PDE11A: variants seen among roughly 807,000 people sequenced by gnomAD.
The protein encoded by PDE11A is phosphodiesterase 11A, also known as dual 3',5'-cyclic-AMP and -GMP phosphodiesterase 11A.
Under a neutral mutation model 100.5 loss-of-function variants are expected in PDE11A, and 100 were observed. The observed-to-expected ratio is 1.00, with a 90% CI of 0.85 to 1.18. The LOEUF is 1.18. PDE11A is among the 50% of genes most tolerant of loss of function. The probability of loss-of-function intolerance (pLI) is 0.00; values close to 1 mark genes in which losing one functional copy is unlikely to be tolerated. For synonymous variants in PDE11A, 381 were observed against 420.8 expected (o/e 0.91, Z 1.16); for missense variants, 1,141 against 1,152.6 (o/e 0.99, Z 0.15).
chr2:177,946,752 C>A (rs1332307390), intron 2 of PDE11A, among the ~76,000 whole-genome samples: 6 of 53,184 alleles, frequency 1.1e-4, no homozygotes, highest in Admixed American at 3.6e-4. Context: ...GTCAGCCCCC[C>A]GCCCGGCCAG....
chr2:177,945,886 GC>G (rs1276330707), intron 2 of PDE11A, among the ~76,000 whole-genome samples: 2 of 140,918 alleles, frequency 1.4e-5, no homozygotes, highest in Admixed American at 7.1e-5. Context: ...GGGGGGGTCA[GC>G]CCCCTGCCCG....
chr2:177,681,509 C>T (rs543190878), intron 15 of PDE11A, among the ~76,000 whole-genome samples: 7 of 152,238 alleles, frequency 4.6e-5, no homozygotes, highest in African/African-American at 1.7e-4. Context: ...ATCTCTAACA[C>T]GGGGGTTTCA....
intron 17 of PDE11A, among the ~76,000 whole-genome samples, chr2:177,673,545 A>G (rs2105493402): frequency 6.6e-6 from 1 of 152,138 alleles, no homozygotes; most frequent in Middle Eastern, 3.4e-3. Flanking sequence ...TGGACTCTGT[A>G]TTTTGGGTGT....
At chr2:177,786,221 C>T (rs538329191) in intron 9 of PDE11A, among the ~76,000 whole-genome samples, 16 of 152,316 alleles carry the variant, frequency 1.1e-4, no homozygotes, top group Non-Finnish European at 2.1e-4. Flanking sequence ...CAGCAGCATT[C>T]GCGGTTCATG....
chr2:177,705,230 G>GAAAA lies in PDE11A; in HGVS notation c.2154-4023_2154-4020dup, dbSNP rs3056940. 1.6e-4 allele frequency among the ~76,000 whole-genome samples: 24 copies of GAAAA among 150,550 alleles called. No individual in the cohort carries two copies. In the East Asian group the frequency reaches 2.9e-3, roughly 18 times the overall value. On this transcript the variant is annotated intron_variant, in intron 13 of 19. Transcript: ENST00000286063. ...GCTTCTACTTTCTCACATAAAATAT[G>GAAAA]AAAAAAAAACCCTGAGATCAATCAC...
At chr2:178,066,482 G>C (rs935719873) in intron 1 of PDE11A, among the ~76,000 whole-genome samples, 5 of 152,114 alleles carry the variant, frequency 3.3e-5, no homozygotes, top group African/African-American at 1.2e-4. Context: ...TTCACATACA[G>C]TCTCCCCTCC....
At chr2:178,088,167 G>A (rs1363196652) in intron 2 of PDE11A, among the ~76,000 whole-genome samples, 1 of 152,196 alleles carries the variant, frequency 6.6e-6, no homozygotes, top group East Asian at 1.9e-4. Flanking sequence ...AATTCAAGCT[G>A]AGGAAATGCC....
chr2:177,658,676 CAT>C (rs2080428168), intron 19 of PDE11A, among the ~76,000 whole-genome samples: 1 of 150,740 alleles, frequency 6.6e-6, no homozygotes, highest in East Asian at 2.0e-4. Context: ...TACTAAAAGT[CAT>C]AGAGAAACAC....
At chr2:177,965,937 A>G (rs1187747761) in intron 2 of PDE11A, among the ~76,000 whole-genome samples, 2 of 152,312 alleles carry the variant, frequency 1.3e-5, no homozygotes, top group East Asian at 3.9e-4. Flanking sequence ...GAATCTGTAA[A>G]CTGCTTTGGG....
intron 2 of PDE11A, among the ~76,000 whole-genome samples, chr2:177,982,358 A>G (rs940805970): frequency 6.6e-6 from 1 of 150,760 alleles, no homozygotes; most frequent in African/African-American, 2.4e-5. Flanking sequence ...AAAATGATAT[A>G]TATTTTTGCC....
intron 1 of PDE11A, among the ~76,000 whole-genome samples, chr2:178,022,016 G>C (rs1245909575): frequency 2.0e-5 from 3 of 152,106 alleles, no homozygotes; most frequent in African/African-American, 4.8e-5. Flanking sequence ...AGGAAGCGAG[G>C]GGTCACTAGA....
At chr2:177,741,109 G>A (rs989223850) in intron 10 of PDE11A, among the ~76,000 whole-genome samples, 8 of 152,216 alleles carry the variant, frequency 5.3e-5, no homozygotes, top group Admixed American at 5.2e-4. Context: ...CAGTGTGTTA[G>A]TCTGCAAAAT....
intron 1 of PDE11A, among the ~76,000 whole-genome samples, chr2:178,070,594 C>T (rs994097188): frequency 1.3e-5 from 2 of 152,140 alleles, no homozygotes; most frequent in Non-Finnish European, 2.9e-5. Flanking sequence ...TCATCATATT[C>T]AGTGAATAAG....
chr2:177,663,932 G>A lies in PDE11A; in HGVS notation c.2580C>T (p.Asn860=), dbSNP rs780232099. The A allele has an allele frequency of 6.2e-7, 1 of 1,610,982 alleles. No homozygotes were observed. Among genetic ancestry groups the A allele is most frequent in the East Asian group, 2.2e-5 (1 of 44,860 alleles). ...GCAACCGAGGCAGTTCATCCTTCCGGTTCCGATCAAAAATTGCCTAGAATG... is the reference window on the plus strand; with the variant it reads ...GCAACCGAGGCAGTTCATCCTTCCGATTCCGATCAAAAATTGCCTAGAATG... The part of the protein sequence containing the change: ...KLTPSAIFDR[N]RKDELPRLQL... Residue 860 remains asparagine (N), a synonymous_variant, in exon 19 of 20, where the codon AAC becomes AAT. Coordinates refer to ENST00000286063, the MANE Select transcript of PDE11A (RefSeq NM_016953.4).
At chr2:177,672,887 A>T (rs1163382326) in intron 17 of PDE11A, among the ~76,000 whole-genome samples, 1 of 152,200 alleles carries the variant, frequency 6.6e-6, no homozygotes, top group Non-Finnish European at 1.5e-5. Flanking sequence ...ACAAGAATCA[A>T]ATAAAAGACA....
At chr2:177,787,396 C>T (rs1354787972) in intron 9 of PDE11A, among the ~76,000 whole-genome samples, 7 of 151,274 alleles carry the variant, frequency 4.6e-5, no homozygotes, top group Admixed American at 3.9e-4. Flanking sequence ...AAGCACTAAA[C>T]ATGGAAAGGA....
intron 16 of PDE11A, among the ~76,000 whole-genome samples, chr2:177,679,473 T>C (rs1256204214): frequency 1.3e-5 from 2 of 152,132 alleles, no homozygotes; most frequent in Non-Finnish European, 1.5e-5. Flanking sequence ...AAAAACACAA[T>C]ACACTAATAA....
At chr2:177,853,757 T>A (rs1490838172) in intron 5 of PDE11A, among the ~76,000 whole-genome samples, 1 of 22,066 alleles carries the variant, frequency 4.5e-5, no homozygotes, top group Middle Eastern at 0.071. Flanking sequence ...TATATATATC[T>A]ATATATGTAT....
intron 4 of PDE11A, among the ~76,000 whole-genome samples, chr2:177,889,841 C>T (rs972598214): frequency 6.6e-6 from 1 of 151,642 alleles, no homozygotes; most frequent in Middle Eastern, 3.2e-3. Context: ...TATTTTTTAT[C>T]TCATTTCATG....
Sources: gnomAD v4.1 joint callset for allele counts (sites outside exome capture counted in the v4.1 genomes callset) on GRCh38, gnomAD v4.1.1 for gene constraint, MANE v1.5 for transcripts, NCBI Gene and HGNC (gene_info 2026-07-23, HGNC 2026-07-21) for gene names.